The following DNAH3 variants were observed in gnomAD, a reference collection of about 807,000 sequenced individuals.
DNAH3 encodes the protein axonemal beta dynein heavy chain 3.
In DNAH3, 332 loss-of-function variants were observed where a neutral mutation model predicts 432.5. That is an observed-to-expected ratio of 0.77 (90% confidence interval 0.70 to 0.84). The LOEUF is 0.84. Among genes scored for constraint, DNAH3 ranks in the 40% least tolerant of loss-of-function variants. The pLI is 0.00. For synonymous variants in DNAH3, 1,956 were observed against 1,900.2 expected (o/e 1.03, Z -0.76); for missense variants, 4,861 against 5,114.0 (o/e 0.95, Z 1.51).
chr16:20,980,174 T>C (rs868552567), intron 49 of DNAH3, among the ~76,000 whole-genome samples: 2 of 120,598 alleles, frequency 1.7e-5, no homozygotes, highest in African/African-American at 5.7e-5. Flanking sequence ...AAAAAAAATA[T>C]ATATATATAT....
Position 21,134,692 on chromosome 16 carries a change from A to T in DNAH3, c.887-238T>A, listed in dbSNP as rs11865079. Among the ~76,000 whole-genome samples, 736 of 151,412 alleles carry T rather than the reference A, an allele frequency of 4.9e-3. 6 individuals carry two copies. Among genetic ancestry groups the T allele is most frequent in the African/African-American group, 0.016 (652 of 41,234 alleles). On this transcript the variant is annotated intron_variant, in intron 6 of 61. Coordinates refer to ENST00000261383, the Ensembl canonical transcript of DNAH3. ...ACTCTTTTTATTTATTTATTTATTT[A>T]TTTTTTGAGATGGAGTCTCGCTCTG...
intron 9 of DNAH3, among the ~76,000 whole-genome samples, chr16:21,124,422 G>A (rs1160240965): frequency 6.6e-6 from 1 of 151,982 alleles, no homozygotes; most frequent in Non-Finnish European, 1.5e-5. Context: ...ACTTAATACT[G>A]AGTGATTATC....
intron 48 of DNAH3, among the ~76,000 whole-genome samples, chr16:20,984,052 A>C (rs2086057255): frequency 6.8e-6 from 1 of 147,948 alleles, no homozygotes; most frequent in African/African-American, 2.5e-5. Context: ...AAAAGACAGA[A>C]AGGGCGATGG....
At chr16:21,047,139 T>C (rs952570869) in intron 31 of DNAH3, among the ~76,000 whole-genome samples, 1 of 150,582 alleles carries the variant, frequency 6.6e-6, no homozygotes, top group Non-Finnish European at 1.5e-5. Context: ...TTGGTGAATC[T>C]GACAATTATG....
intron 32 of DNAH3, 81 bp from the exon 33 acceptor site, chr16:21,040,024 G>C: frequency 1.7e-5 from 20 of 1,185,618 alleles, no homozygotes; most frequent in Non-Finnish European, 2.2e-5. Flanking sequence ...GCAAAGGGAA[G>C]TAGCTTTGCT....
chr16:21,105,123 A>G (rs898704576), intron 15 of DNAH3, among the ~76,000 whole-genome samples: 65 of 152,156 alleles, frequency 4.3e-4, no homozygotes, highest in African/African-American at 1.5e-3. Context: ...CGGGAGGCAG[A>G]GCCCACAGTG....
At chr16:21,046,556 A>G (rs1198906837) in intron 31 of DNAH3, among the ~76,000 whole-genome samples, 1 of 151,410 alleles carries the variant, frequency 6.6e-6, no homozygotes, top group Non-Finnish European at 1.5e-5. Context: ...TTTTATTTTG[A>G]GCCTATGTGT....
chr16:20,992,054 T>C (rs2086581149), intron 44 of DNAH3, among the ~76,000 whole-genome samples: 1 of 152,256 alleles, frequency 6.6e-6, no homozygotes, highest in South Asian at 2.1e-4. Flanking sequence ...AGAGAATGCC[T>C]GATTCTTTCC....
intron 57 of DNAH3, 73 bp downstream of exon 57, chr16:20,948,410 G>A (rs1247327937): frequency 6.6e-6 from 10 of 1,504,064 alleles, no homozygotes; most frequent in Admixed American, 2.0e-5. Context: ...TGGCTACACT[G>A]CAGCCCTGTA....
At chr16:21,068,261 CG>C (rs2090643197) in intron 23 of DNAH3, among the ~76,000 whole-genome samples, 1 of 146,192 alleles carries the variant, frequency 6.8e-6, no homozygotes, top group African/African-American at 2.5e-5. Context: ...TTCCTTGACA[CG>C]CTGAGACAAC....
exon 26 of DNAH3, chr16:21,060,279 A>C (rs1399660479): frequency 6.2e-7 from 1 of 1,613,902 alleles, no homozygotes; most frequent in Non-Finnish European, 8.5e-7. Context: ...CATATGCTTC[A>C]ATCCCAAGTC....
chr16:21,067,516 C>T, intron 23 of DNAH3, 97 bp from the exon 24 acceptor site: 1 of 1,332,758 alleles, frequency 7.5e-7, no homozygotes, highest in Admixed American at 1.8e-5. Flanking sequence ...TGACAGCACT[C>T]CTTGTCCAGC....
intron 41 of DNAH3, among the ~76,000 whole-genome samples, chr16:21,012,711 C>T (rs2172436): frequency 0.11 from 16,816 of 152,222 alleles, 981 homozygotes; most frequent in East Asian, 0.14. Flanking sequence ...CTTAAGCTCA[C>T]GTGAAACATT....
At chr16:21,062,804 C>G in intron 24 of DNAH3, 121 bp from the exon 25 acceptor site, 2 of 688,228 alleles carry the variant, frequency 2.9e-6, no homozygotes, top group South Asian at 3.8e-5. Flanking sequence ...TTGCGGTCTT[C>G]ACAAAGGCCC....
chr16:20,941,466 C>A (rs149165469), exon 59 of DNAH3: 1 of 1,614,164 alleles, frequency 6.2e-7, no homozygotes. Flanking sequence ...CCACGGGGTA[C>A]AACTTCATGA....
At chr16:21,011,668 G>A (rs1388092459) in intron 41 of DNAH3, among the ~76,000 whole-genome samples, 1 of 152,110 alleles carries the variant, frequency 6.6e-6, no homozygotes, top group African/African-American at 2.4e-5. Context: ...GCTGAAACTT[G>A]TTTTTGCAGG....
intron 7 of DNAH3, among the ~76,000 whole-genome samples, chr16:21,130,728 C>T (rs1483419210): frequency 6.6e-6 from 1 of 152,124 alleles, no homozygotes; most frequent in African/African-American, 2.4e-5. Flanking sequence ...GGTAAAAAGC[C>T]TTTCTTCTCA....
At chr16:21,023,227 C>T (rs2088346421) in intron 39 of DNAH3, among the ~76,000 whole-genome samples, 1 of 152,088 alleles carries the variant, frequency 6.6e-6, no homozygotes, top group Admixed American at 6.5e-5. Flanking sequence ...TATATCAATT[C>T]AGTCAATAAA....
intron 60 of DNAH3, 73 bp downstream of exon 60, chr16:20,936,576 T>C: frequency 1.5e-6 from 2 of 1,371,248 alleles, no homozygotes; most frequent in East Asian, 2.5e-5. Context: ...CTGCCTCTAG[T>C]CTGCCATTTC....
Sources: allele counts gnomAD v4.1 joint callset (sites outside exome capture counted in the v4.1 genomes callset), GRCh38; gene constraint gnomAD v4.1.1; transcripts MANE v1.5; gene names NCBI Gene and HGNC (gene_info 2026-07-23, HGNC 2026-07-21).